The following CLTCL1 variants were observed in gnomAD, a reference collection of about 807,000 sequenced individuals.
CLTCL1 encodes clathrin heavy chain like 1, also known as clathrin heavy chain 2.
In CLTCL1, 159 loss-of-function variants were observed where a neutral mutation model predicts 190.0. The ratio of observed to expected loss-of-function variants is 0.84; its 90% CI spans 0.74 to 0.95. The LOEUF (loss-of-function observed/expected upper bound fraction) is 0.95, where lower values mean the gene tolerates loss of function less well. Among genes scored for constraint, CLTCL1 ranks in the 40% least tolerant of loss-of-function variants. The pLI is 0.00. For synonymous variants in CLTCL1, 752 were observed against 769.6 expected (o/e 0.98, Z 0.38); for missense variants, 1,878 against 2,033.4 (o/e 0.92, Z 1.47).
intron 27 of CLTCL1, 68 bp from the exon 28 acceptor site, chr22:19,188,159 A>C: frequency 7.0e-7 from 1 of 1,422,954 alleles, no homozygotes; most frequent in Non-Finnish European, 9.9e-7. Flanking sequence ...GCAGGGGCAC[A>C]GGTGGGCACG....
At chr22:19,220,643 G>A (rs1195802384) in intron 17 of CLTCL1, among the ~76,000 whole-genome samples, 1 of 152,220 alleles carries the variant, frequency 6.6e-6, no homozygotes, top group African/African-American at 2.4e-5. Context: ...TTGAGTGCCA[G>A]ATGCCCGGCA....
chr22:19,234,555 T>C lies in CLTCL1; in HGVS notation c.1121A>G (p.Gln374Arg). The C allele has an allele frequency of 1.2e-6, 2 of 1,614,018 alleles. No homozygotes were observed. The highest frequency in any genetic ancestry group is 1.7e-6 in the Non-Finnish European group (2 of 1,179,880). The change falls in exon 7 of 33, where the codon CAG (glutamine) becomes CGG (arginine). Residue 374 changes from glutamine (Q) to arginine (R), a missense_variant. Gln to Arg is a conservative substitution (Grantham distance 43, BLOSUM62 1). Coordinates refer to ENST00000427926, the MANE Select transcript of CLTCL1 (RefSeq NM_007098.4). ...TTTGGCGGCTTCAGCATAGCTGCCC[T>C]GTGCAAAGAGGGTATTGAATTTTCT... ...FVRKFNTLFA[Q>R]GSYAEAAKVA...
chr22:19,253,710 T>G (rs1360894172), intron 3 of CLTCL1, among the ~76,000 whole-genome samples: 3 of 152,038 alleles, frequency 2.0e-5, no homozygotes, highest in Non-Finnish European at 4.4e-5. Flanking sequence ...ACCAACTTTT[T>G]TTTTTTTTGA....
intron 11 of CLTCL1, among the ~76,000 whole-genome samples, chr22:19,228,443 G>A (rs879946076): frequency 2.2e-4 from 34 of 152,110 alleles, no homozygotes; most frequent in Admixed American, 9.2e-4. Context: ...TCTGAGTGAC[G>A]CTTGGTGTGT....
rs2086675757 is a variant in CLTCL1 at position 19,254,015 on chromosome 22, G to C, written c.463C>G (p.His155Asp). 6 of 1,612,956 alleles carry C rather than the reference G, an allele frequency of 3.7e-6. No individual in the cohort carries two copies. Among genetic ancestry groups the C allele is most frequent in the Middle Eastern group, 1.6e-4 (1 of 6,062 alleles). The change falls in exon 3 of 33, where the codon CAC becomes GAC. Residue 155 changes from histidine to aspartate, a missense_variant. By Grantham distance (81) the His-to-Asp change is moderately conservative. Transcript: ENST00000427926. Reference protein sequence around the residue: ...HTSLVGCQVIHYRTDEYQKWL... With the variant: ...HTSLVGCQVIDYRTDEYQKWL... ...TTCTGGTACTCATCAGTCCGGTAGT[G>C]AATCACCTGGCAGCCCACCAGACTG... is the stretch of plus-strand genomic sequence containing the variant.
At chr22:19,235,567 T>A (rs1211429075) in intron 6 of CLTCL1, 129 bp downstream of exon 6, 2 of 817,462 alleles carry the variant, frequency 2.4e-6, no homozygotes, top group Non-Finnish European at 2.0e-6. Flanking sequence ...GGAGGAGACA[T>A]GGGTTTAAGT....
Position 19,235,887 on chromosome 22 carries a change from G to C in CLTCL1, c.796-18C>G, listed in dbSNP as rs782495849. ...GCTCCAATCTATAAGAAGACAGAGA[G>C]CAAGAGGTTGGAAAGTAAGGAGGAG... is the stretch of plus-strand genomic sequence containing the variant. On this transcript the variant is annotated intron_variant, in intron 5 of 32. Transcript: ENST00000427926. The C allele has an allele frequency of 4.4e-6, 7 of 1,605,188 alleles. No individual in the cohort carries two copies. The South Asian group carries it at 7.8e-5, about 18-fold the overall frequency.
At chr22:19,233,125 G>T (rs807458) in intron 9 of CLTCL1, 41 bp downstream of exon 9, 678,200 of 1,586,274 alleles carry the variant, frequency 0.43, 151,890 homozygotes, top group South Asian at 0.55. Context: ...TCAACCACAC[G>T]TGAGTAATCT....
At chr22:19,211,703 G>C (rs782669304) in intron 19 of CLTCL1, among the ~76,000 whole-genome samples, 18 of 149,302 alleles carry the variant, frequency 1.2e-4, no homozygotes, top group South Asian at 2.1e-4. Flanking sequence ...GGAGGCAGAG[G>C]TTGCAGTGAG....
chr22:19,263,071 G>C (rs140107056), intron 2 of CLTCL1, among the ~76,000 whole-genome samples: 1 of 150,610 alleles, frequency 6.6e-6, no homozygotes, highest in East Asian at 1.9e-4. Flanking sequence ...ACTGAAGGCT[G>C]ATAATGGTAA....
In CLTCL1 at chr22:19,219,892, A is replaced by G. The variant is rs1555951395; in HGVS notation, c.2912T>C (p.Ile971Thr). The G allele has an allele frequency of 6.2e-7, 1 of 1,614,072 alleles. No homozygotes were observed. Among genetic ancestry groups the G allele is most frequent in the African/African-American group, 1.3e-5 (1 of 75,070 alleles). The part of the protein sequence containing the change: ...EETNPSRRQL[I>T]DQVVQTALSE... ...CCCATCTCTGTGCCTCACCTGGTCAATTAGCTGTCTCCTGGATGGGTTGGT... is the reference window on the plus strand; with the variant it reads ...CCCATCTCTGTGCCTCACCTGGTCAGTTAGCTGTCTCCTGGATGGGTTGGT... The change falls in exon 18 of 33, where the codon ATT becomes ACT. Residue 971 changes from isoleucine (I) to threonine (T), a missense_variant. Coordinates refer to ENST00000427926, the MANE Select transcript of CLTCL1 (RefSeq NM_007098.4).
chr22:19,240,747 T>C (rs2086227710), intron 4 of CLTCL1, among the ~76,000 whole-genome samples: 1 of 152,140 alleles, frequency 6.6e-6, no homozygotes, highest in Non-Finnish European at 1.5e-5. Context: ...GATGTGGGAC[T>C]TGTTAAAGGT....
chr22:19,204,787 C>T (rs782570203), intron 22 of CLTCL1, among the ~76,000 whole-genome samples: 5 of 152,214 alleles, frequency 3.3e-5, no homozygotes, highest in East Asian at 1.9e-4. Context: ...ACAAACCAGG[C>T]GATGGGCTGG....
At chr22:19,189,627 T>C (rs782167387) in intron 27 of CLTCL1, among the ~76,000 whole-genome samples, 13 of 152,210 alleles carry the variant, frequency 8.5e-5, no homozygotes, top group South Asian at 2.1e-4. Context: ...TCTCCTGCTG[T>C]TTCCCCCACA....
At chr22:19,271,345 G>A (rs371287095) in intron 2 of CLTCL1, among the ~76,000 whole-genome samples, 1 of 152,216 alleles carries the variant, frequency 6.6e-6, no homozygotes, top group South Asian at 2.1e-4. Context: ...TTGCTGTTCT[G>A]GTGATAGTGA....
In CLTCL1 at chr22:19,201,442, A is replaced by G. The variant is rs1246681701; in HGVS notation, c.3652T>C (p.Tyr1218His). 3 of 1,613,800 alleles carry G rather than the reference A, an allele frequency of 1.9e-6. No homozygotes were observed. The African/African-American group carries it at 4.0e-5, about 22-fold the overall frequency. ...CGGGCAAAGTTAGAAACATTGCTAT[A>G]GAGCAGCTTGGCAGCCTCGTACATT... ...EGMYEAAKLL[Y>H]SNVSNFARLA... is the part of the protein sequence containing the mutation. Residue 1218 changes from tyrosine to histidine, a missense_variant, in exon 23 of 33, where the codon TAT (tyrosine) becomes CAT (histidine). Transcript: ENST00000427926.
chr22:19,251,349 A>T (rs1184699924), intron 3 of CLTCL1, among the ~76,000 whole-genome samples: 1 of 152,160 alleles, frequency 6.6e-6, no homozygotes, highest in Non-Finnish European at 1.5e-5. Context: ...CAATTTGTTT[A>T]TTAGTTCTAA....
chr22:19,234,526 C>T lies in CLTCL1; in HGVS notation c.1150G>A (p.Ala384Thr). 1 of 1,613,410 alleles carries T rather than the reference C, an allele frequency of 6.2e-7. No individual in the cohort carries two copies. Among genetic ancestry groups the T allele is most frequent in the Non-Finnish European group, 8.5e-7 (1 of 1,179,562 alleles). Reference protein sequence around the residue: ...QGSYAEAAKVAASAPKGILRT... With the variant: ...QGSYAEAAKVTASAPKGILRT... ...TTTATCACCTTTGGTGCAGACGCTG[C>T]AACTTTGGCGGCTTCAGCATAGCTG... The change falls in exon 7 of 33, where the codon GCA becomes ACA. Residue 384 changes from alanine to threonine, a missense_variant. Ala to Thr is a moderately conservative substitution (Grantham distance 58). Coordinates refer to ENST00000427926, the MANE Select transcript of CLTCL1 (RefSeq NM_007098.4).
At chr22:19,245,186 C>CTTTTTTTT (rs1194266137) in intron 3 of CLTCL1, among the ~76,000 whole-genome samples, 1 of 118,840 alleles carries the variant, frequency 8.4e-6, no homozygotes, top group African/African-American at 3.1e-5. Context: ...TCTCCCCCTC[C>CTTTTTTTT]TTTTTTTTTT....
Sources: gnomAD v4.1 joint callset for allele counts (sites outside exome capture counted in the v4.1 genomes callset) on GRCh38, gnomAD v4.1.1 for gene constraint, MANE v1.5 for transcripts, NCBI Gene and HGNC (gene_info 2026-07-23, HGNC 2026-07-21) for gene names.